NBPF8: variants seen among roughly 807,000 people sequenced by gnomAD.
NBPF8 encodes the protein NBPF member 8.
chr1:120,426,779 C>G (rs1660739349), intron 2 of NBPF8, among the ~76,000 whole-genome samples: 1 of 152,090 alleles, frequency 6.6e-6, no homozygotes, highest in South Asian at 2.1e-4. Flanking sequence ...GAACAAACAG[C>G]TTATCTGCCT....
Position 120,451,313 on chromosome 1 carries a change from G to A in NBPF8, n.2074+31G>A. 15 of 290,324 alleles carry A rather than the reference G, an allele frequency of 5.2e-5. 7 individuals are homozygous for A. Among genetic ancestry groups the A allele is most frequent in the African/African-American group, 3.0e-4 (2 of 6,762 alleles). 18.0% of individuals were successfully genotyped at this position (290,324 alleles called of 1,614,324 possible). A position where few individuals can be genotyped will look rare whatever the true frequency, so the allele number is the denominator to read the frequency against. ...GGGACCCCATGGGGGCAGGCAGGGGGCAGGTGTGTAAATCTCTGAAGTACA... is the reference window on the plus strand; with the variant it reads ...GGGACCCCATGGGGGCAGGCAGGGGACAGGTGTGTAAATCTCTGAAGTACA... On this transcript the variant is annotated intron_variant and non_coding_transcript_variant, in intron 12 of 24. Transcript: ENST00000583271.
chr1:120,432,326 TTGG>T (rs1302913699), upstream of NBPF8: 2 of 91,368 alleles, frequency 2.2e-5, no homozygotes, highest in African/African-American at 1.0e-4. Context: ...GGCAAAACTC[TTGG>T]TGGGCTTTTG....
At chr1:120,435,690 A>C (rs1385309046), upstream of NBPF8, among the ~76,000 whole-genome samples, 7 of 150,698 alleles carry the variant, frequency 4.6e-5, no homozygotes, top group South Asian at 2.1e-4. Context: ...AAAATACAAA[A>C]AAAGAAAAAA....
chr1:120,435,895 C>T (rs1661060847), upstream of NBPF8, among the ~76,000 whole-genome samples: 1 of 150,558 alleles, frequency 6.6e-6, no homozygotes, highest in African/African-American at 2.5e-5. Context: ...AACAAGAGAA[C>T]ATACTAAATG....
intron 11 of NBPF8, among the ~76,000 whole-genome samples, chr1:120,450,111 C>G (rs1449705703): frequency 2.0e-5 from 3 of 152,046 alleles, no homozygotes; most frequent in East Asian, 1.9e-4. Flanking sequence ...ACTGTAATCA[C>G]CCCTGCTCAG....
chr1:120,428,772 C>A (rs1699844), intron 3 of NBPF8, among the ~76,000 whole-genome samples: 2 of 142,610 alleles, frequency 1.4e-5, no homozygotes, highest in East Asian at 3.9e-4. Flanking sequence ...CATAACTGAG[C>A]GAGGCTGTAC....
At position 120,427,056 on chromosome 1, in the gene NBPF8, C is replaced by T. The variant is rs1486068740; in HGVS notation, n.369-650C>T. On this transcript the variant is annotated intron_variant and non_coding_transcript_variant, in intron 2 of 28. Coordinates refer to the NBPF8 transcript ENST00000652355. ...TTCTCACACTGTTTTGTGTATGGCT[C>T]CTATTGCACTCAAAATGTTTTTGAG... Among the ~76,000 whole-genome samples the T allele has an allele frequency of 4.3e-4, 50 of 117,246 alleles. 8 individuals carry two copies. The highest frequency in any genetic ancestry group is 7.3e-4 in the Non-Finnish European group (41 of 56,426). 76.9% of individuals were successfully genotyped at this position (117,246 alleles called of 152,430 possible).
chr1:120,464,312 T>A, intron 22 of NBPF8, 64 bp from the exon 21 acceptor site: 2 of 719,676 alleles, frequency 2.8e-6, no homozygotes, highest in African/African-American at 2.2e-5. Context: ...CCATGAAACC[T>A]ATTTGGGGTT....
chr1:120,425,662 A>T (rs1660704900), intron 1 of NBPF8, among the ~76,000 whole-genome samples: 2 of 151,482 alleles, frequency 1.3e-5, no homozygotes, highest in Admixed American at 1.3e-4. Context: ...TTTCTTTTCC[A>T]AGTCTCTCCT....
intron 1 of NBPF8, among the ~76,000 whole-genome samples, chr1:120,420,487 T>C (rs1660543350): frequency 6.7e-6 from 1 of 150,034 alleles, no homozygotes; most frequent in Non-Finnish European, 1.5e-5. Flanking sequence ...TGCTTTCTTC[T>C]CTTCAGCTTT....
At chr1:120,415,367 G>A (rs1570919867), upstream of NBPF8, among the ~76,000 whole-genome samples, 1 of 151,766 alleles carries the variant, frequency 6.6e-6, no homozygotes, top group African/African-American at 2.4e-5. Context: ...GTTTTGTTGC[G>A]AGCGACGGAG....
upstream of NBPF8, among the ~76,000 whole-genome samples, chr1:120,431,506 T>C (rs1660879181): frequency 6.6e-6 from 1 of 150,840 alleles, no homozygotes; most frequent in Non-Finnish European, 1.5e-5. Flanking sequence ...AGAAGATACA[T>C]GAATGGGCAA....
At chr1:120,430,752 CAAA>C (rs1160946903) in intron 3 of NBPF8, among the ~76,000 whole-genome samples, 10 of 41,242 alleles carry the variant, frequency 2.4e-4, no homozygotes, top group African/African-American at 6.8e-4. Context: ...GACTCTGTCT[CAAA>C]AAAAAAAAAA....
chr1:120,445,824 C>T, intron 7 of NBPF8: 3 of 410,498 alleles, frequency 7.3e-6, no homozygotes, highest in Admixed American at 5.1e-5. Context: ...ACCATCTCAC[C>T]TTAGGCAATA....
downstream of NBPF8, among the ~76,000 whole-genome samples, chr1:120,467,951 A>AGTGT (rs1363238437): frequency 1.1e-3 from 172 of 151,048 alleles, 1 homozygote; most frequent in East Asian, 6.2e-3. Context: ...TGAGTGTGAG[A>AGTGT]GTGTGTGTGT....
intron 1 of NBPF8, among the ~76,000 whole-genome samples, chr1:120,423,395 G>A (rs1393740879): frequency 9.3e-6 from 1 of 107,764 alleles, no homozygotes; most frequent in Admixed American, 8.1e-5. Flanking sequence ...GCTTTAAATT[G>A]TCTCTAAACC....
At chr1:120,450,726 T>C (rs322071) in intron 11 of NBPF8, among the ~76,000 whole-genome samples, 1 of 152,158 alleles carries the variant, frequency 6.6e-6, no homozygotes, top group Admixed American at 6.5e-5. Flanking sequence ...TCAAAGATTT[T>C]AAAAATCTTT....
intron 1 of NBPF8, among the ~76,000 whole-genome samples, chr1:120,422,737 T>G (rs1368940635): frequency 7.5e-6 from 1 of 132,662 alleles, no homozygotes; most frequent in Middle Eastern, 3.6e-3. Context: ...CCAAAGTGAC[T>G]GTACACTTTT....
At chr1:120,467,951 AGT>A (rs1363238437), downstream of NBPF8, among the ~76,000 whole-genome samples, 1 of 150,964 alleles carries the variant, frequency 6.6e-6, no homozygotes, top group Non-Finnish European at 1.5e-5. Context: ...TGAGTGTGAG[AGT>A]GTGTGTGTGC....
Sources: allele counts gnomAD v4.1 joint callset (sites outside exome capture counted in the v4.1 genomes callset), GRCh38; gene constraint gnomAD v4.1.1; transcripts MANE v1.5; gene names NCBI Gene and HGNC (gene_info 2026-07-23, HGNC 2026-07-21).